GRK5: variants seen among roughly 807,000 people sequenced by gnomAD.
GRK5 encodes the protein g protein-coupled receptor kinase GRK5.
A neutral mutation model predicts 78.4 loss-of-function variants in GRK5; 40 were observed. That is an observed-to-expected ratio of 0.51 (90% CI 0.40 to 0.66). The LOEUF (loss-of-function observed/expected upper bound fraction) is 0.66. Ranked by LOEUF, GRK5 falls within the 30% of genes least tolerant of loss-of-function variation. The probability of loss-of-function intolerance (pLI) is 0.00; values close to 1 mark genes in which losing one functional copy is unlikely to be tolerated. For missense variants in GRK5, 598 were observed against 759.9 expected (o/e 0.79, Z 2.50); for synonymous variants, 289 against 296.8 (o/e 0.97, Z 0.27).
chr10:119,330,644 G>A (rs1021419798), intron 2 of GRK5, among the ~76,000 whole-genome samples: 2 of 152,078 alleles, frequency 1.3e-5, no homozygotes, highest in African/African-American at 4.8e-5. Flanking sequence ...CCTCTCCCCT[G>A]AGACACAGCT....
At chr10:119,340,027 C>T (rs1188417814) in intron 2 of GRK5, among the ~76,000 whole-genome samples, 1 of 152,202 alleles carries the variant, frequency 6.6e-6, no homozygotes, top group Non-Finnish European at 1.5e-5. Flanking sequence ...GATGTAAAAT[C>T]CTGAAGCATT....
chr10:119,286,180 A>G (rs1247115786), intron 1 of GRK5, among the ~76,000 whole-genome samples: 1 of 151,134 alleles, frequency 6.6e-6, no homozygotes, highest in Non-Finnish European at 1.5e-5. Flanking sequence ...AAATGTACTC[A>G]AAAAATAGAG....
chr10:119,349,512 C>T (rs985292666), intron 2 of GRK5, among the ~76,000 whole-genome samples: 2 of 152,196 alleles, frequency 1.3e-5, no homozygotes, highest in African/African-American at 2.4e-5. Flanking sequence ...AAATAAATAA[C>T]GCCTCCCCAG....
At chr10:119,337,221 C>T (rs1468893842) in intron 2 of GRK5, among the ~76,000 whole-genome samples, 1 of 152,200 alleles carries the variant, frequency 6.6e-6, no homozygotes. Flanking sequence ...TGTTCTAGGC[C>T]AGGTCTCCCA....
chr10:119,312,100 A>T (rs1406265604), intron 1 of GRK5, among the ~76,000 whole-genome samples: 1 of 151,984 alleles, frequency 6.6e-6, no homozygotes, highest in South Asian at 2.1e-4. Flanking sequence ...TTTAGTAGAG[A>T]TGGGGTTTCA....
intron 3 of GRK5, among the ~76,000 whole-genome samples, chr10:119,394,312 ACGTGGGTGTGTGTATCTGTGTGTC>A (rs1564917004): frequency 2.1e-3 from 6 of 2,804 alleles, no homozygotes; most frequent in African/African-American, 3.2e-3. Context: ...CTGTGTGGGC[ACGTGGGTGTGTGTATCTGTGTGTC>A]TGTGTGTGGG....
intron 9 of GRK5, 143 bp from the exon 10 acceptor site, chr10:119,439,588 A>T: frequency 1.5e-6 from 1 of 686,824 alleles, no homozygotes; most frequent in Non-Finnish European, 2.5e-6. Context: ...TTTGACTCAA[A>T]CCAGACAGCC....
rs963616834 is a variant in GRK5 at position 119,396,833 on chromosome 10, C to A, written c.339+61C>A. The A allele has an allele frequency of 1.5e-5, 19 of 1,296,868 alleles. No homozygotes were observed. The Admixed American group carries it at 2.7e-4, about 19-fold the overall frequency. The allele number at this position is 1,296,868 out of a possible 1,614,324, so 80.3% of individuals were successfully genotyped here. On this transcript the variant is annotated intron_variant, in intron 4 of 15. Transcript: ENST00000392870. Reference sequence around the variant, plus strand: ...AGGAGGCCTTATGCAAAAATAGGAGCCCCTAAGTCTGTGCCAGGCCACATG... The same window carrying A: ...AGGAGGCCTTATGCAAAAATAGGAGACCCTAAGTCTGTGCCAGGCCACATG...
rs761369977 is a variant in GRK5, at chr10:119,456,939, G to C, written c.*1872G>C. ...GATCATTTTGAGGCCCTTTTACAAA[G>C]AAATGGGGGAGAAGAAATAGCTGGG... On this transcript the variant is annotated 3_prime_UTR_variant, in exon 16 of 16. Transcript: ENST00000392870. The surrounding 1 kb of genome is among the most constrained non-coding windows in gnomAD (Gnocchi z 5.5). 6.6e-5 allele frequency: 10 copies of C among 152,206 alleles called. No homozygotes were observed. Among genetic ancestry groups the C allele is most frequent in the Non-Finnish European group, 1.5e-4 (10 of 68,032 alleles). The allele number at this position is 152,206 out of a possible 1,614,324, so 9.4% of individuals were successfully genotyped here. A position where few individuals can be genotyped will look rare whatever the true frequency, so the allele number is the denominator to read the frequency against.
chr10:119,377,414 A>C (rs890199111), intron 2 of GRK5, among the ~76,000 whole-genome samples: 3 of 152,186 alleles, frequency 2.0e-5, no homozygotes, highest in African/African-American at 7.2e-5. Flanking sequence ...CCATTTCTAT[A>C]GGAACTGTAA....
intron 13 of GRK5, among the ~76,000 whole-genome samples, chr10:119,450,210 A>G (rs1383311355): frequency 6.6e-6 from 1 of 152,140 alleles, no homozygotes; most frequent in Admixed American, 6.5e-5. Flanking sequence ...GGGCATCCAG[A>G]CTGGGGGTGT....
At position 119,226,080 on chromosome 10, in the gene GRK5, C is replaced by G. The variant is rs1848733660; in HGVS notation, c.52+18111C>G. Among the ~76,000 whole-genome samples the G allele has an allele frequency of 2.0e-5, 3 of 151,898 alleles. No homozygotes were observed. In the South Asian group the frequency reaches 6.2e-4, roughly 32 times the overall value. On this transcript the variant is annotated intron_variant, in intron 1 of 15. Transcript: ENST00000392870. The stretch of plus-strand genomic sequence containing the variant: ...GCCAGGATGGTCTCGATCTCCCGAC[C>G]TCATGATCCACCCGCTTCAGCCTCC...
At position 119,291,890 on chromosome 10, in the gene GRK5, G is replaced by A. The variant is rs1486897887; in HGVS notation, c.53-34626G>A. ...TCCTCCTCATCCTCCTCCTCCTTCT[G>A]CTCATCTTCTTCCTCCTCCTCCTCT... On this transcript the variant is annotated intron_variant, in intron 1 of 15. Transcript: ENST00000392870. 4.0e-5 allele frequency among the ~76,000 whole-genome samples: 3 copies of A among 75,066 alleles called. No homozygotes were observed. The South Asian group carries it at 1.5e-3, about 37-fold the overall frequency. 49.2% of individuals were successfully genotyped at this position (75,066 alleles called of 152,430 possible).
chr10:119,415,081 C>CAAAAAAAAA (rs762165768), intron 4 of GRK5, among the ~76,000 whole-genome samples: 1 of 75,722 alleles, frequency 1.3e-5, no homozygotes, highest in African/African-American at 4.8e-5. Context: ...GACTCTGTCT[C>CAAAAAAAAA]AAAAAAAAAA....
At chr10:119,374,562 G>A (rs1748330072) in intron 2 of GRK5, among the ~76,000 whole-genome samples, 3 of 152,256 alleles carry the variant, frequency 2.0e-5, no homozygotes, top group Admixed American at 2.0e-4. Flanking sequence ...AGAGTTGGAA[G>A]TGAGTTGGCT....
At chr10:119,307,990 AGCCTATACCCT>A (rs1850299631) in intron 1 of GRK5, among the ~76,000 whole-genome samples, 1 of 152,128 alleles carries the variant, frequency 6.6e-6, no homozygotes, top group South Asian at 2.1e-4. Context: ...CTGGGGCCCC[AGCCTATACCCT>A]GCCTCTATGA....
chr10:119,210,220 TTGA>T (rs1343573778), intron 1 of GRK5, among the ~76,000 whole-genome samples: 1 of 152,230 alleles, frequency 6.6e-6, no homozygotes, highest in Non-Finnish European at 1.5e-5. Context: ...AAAATAGCTC[TTGA>T]TGATGCCTTG....
At chr10:119,214,526 T>C (rs1848538900) in intron 1 of GRK5, among the ~76,000 whole-genome samples, 1 of 152,088 alleles carries the variant, frequency 6.6e-6, no homozygotes, top group Admixed American at 6.5e-5. Context: ...GGTTTTTGTT[T>C]TGTTTTGTTT....
At chr10:119,220,790 G>A (rs1039749540) in intron 1 of GRK5, among the ~76,000 whole-genome samples, 12 of 150,730 alleles carry the variant, frequency 8.0e-5, no homozygotes, top group Non-Finnish European at 1.3e-4. Flanking sequence ...AGCTGAGATC[G>A]CGCCACTGCA....
Sources: allele counts gnomAD v4.1 joint callset (sites outside exome capture counted in the v4.1 genomes callset), GRCh38; gene constraint gnomAD v4.1.1; non-coding constraint Gnocchi (gnomAD v3.1); transcripts MANE v1.5; gene names NCBI Gene and HGNC (gene_info 2026-07-23, HGNC 2026-07-21).